RBFOX1: variants seen among roughly 807,000 people sequenced by gnomAD.
The protein encoded by RBFOX1 is RNA binding fox-1 homolog 1.
A neutral mutation model predicts 57.7 loss-of-function variants in RBFOX1; 8 were observed. That is an observed-to-expected ratio of 0.14 (90% confidence interval 0.08 to 0.25). The LOEUF (loss-of-function observed/expected upper bound fraction) is 0.25. RBFOX1 is among the 10% of genes least tolerant of loss of function. RBFOX1 has a pLI of 1.00. For synonymous variants in RBFOX1, 326 were observed against 222.4 expected (o/e 1.47, Z -4.15); for missense variants, 611 against 548.5 (o/e 1.11, Z -1.14).
intron 2 of RBFOX1, among the ~76,000 whole-genome samples, chr16:5,560,960 T>C (rs2045870007): frequency 6.6e-6 from 1 of 152,186 alleles, no homozygotes; most frequent in African/African-American, 2.4e-5. Flanking sequence ...ATTAGCTACC[T>C]GGCACACCCT....
chr16:7,467,723 C>T (rs1028680558), intron 4 of RBFOX1, among the ~76,000 whole-genome samples: 2 of 152,214 alleles, frequency 1.3e-5, no homozygotes, highest in African/African-American at 2.4e-5. Flanking sequence ...TCTACTGGGA[C>T]ACCCCTTATC....
At chr16:5,281,207 C>G (rs191866437) in intron 1 of RBFOX1, among the ~76,000 whole-genome samples, 1 of 152,038 alleles carries the variant, frequency 6.6e-6, no homozygotes, top group African/African-American at 2.4e-5. Context: ...TTCAATAGCA[C>G]GTTTAATGTC....
intron 2 of RBFOX1, among the ~76,000 whole-genome samples, chr16:6,481,722 A>G (rs2095373629): frequency 6.6e-6 from 1 of 152,156 alleles, no homozygotes; most frequent in Non-Finnish European, 1.5e-5. Context: ...TAAAAATAGT[A>G]GGGAGTGGAG....
At chr16:5,853,728 C>A (rs1277393029) in intron 3 of RBFOX1, among the ~76,000 whole-genome samples, 3 of 152,090 alleles carry the variant, frequency 2.0e-5, no homozygotes, top group Non-Finnish European at 2.9e-5. Context: ...AGGGTGGTAC[C>A]CTAGCTAAGC....
At chr16:5,326,535 T>G (rs1348145730) in intron 1 of RBFOX1, among the ~76,000 whole-genome samples, 1 of 152,192 alleles carries the variant, frequency 6.6e-6, no homozygotes, top group Non-Finnish European at 1.5e-5. Flanking sequence ...GTGTGTGCCC[T>G]GGTACGATGC....
chr16:5,748,728 T>A (rs2053078752), intron 3 of RBFOX1, among the ~76,000 whole-genome samples: 1 of 152,200 alleles, frequency 6.6e-6, no homozygotes, highest in Admixed American at 6.5e-5. Flanking sequence ...GCTTGGTAGA[T>A]CTTCCTCCAT....
At chr16:5,578,474 C>G (rs193198154) in intron 2 of RBFOX1, among the ~76,000 whole-genome samples, 58 of 152,266 alleles carry the variant, frequency 3.8e-4, no homozygotes, top group African/African-American at 1.1e-3. Flanking sequence ...AGGAAAAACC[C>G]CATCCACGGT....
intron 3 of RBFOX1, among the ~76,000 whole-genome samples, chr16:6,710,572 G>A (rs7202123): frequency 0.036 from 5,437 of 152,314 alleles, 289 homozygotes; most frequent in African/African-American, 0.12. Context: ...TGGCTGATCC[G>A]TTACCGGAAT....
intron 3 of RBFOX1, among the ~76,000 whole-genome samples, chr16:6,682,156 C>T (rs2058744414): frequency 6.6e-6 from 1 of 152,106 alleles, no homozygotes; most frequent in Non-Finnish European, 1.5e-5. Flanking sequence ...GTATTGTTTG[C>T]CTGTAAATTT....
rs547706096 is a variant in RBFOX1, at chr16:6,953,509, C to A, written c.-15-98548C>A. 3.3e-5 allele frequency among the ~76,000 whole-genome samples: 5 copies of A among 152,186 alleles called. No homozygotes were observed. The South Asian group carries it at 8.3e-4, about 25-fold the overall frequency. On this transcript the variant is annotated intron_variant, in intron 3 of 15. Coordinates refer to ENST00000550418, the MANE Select transcript of RBFOX1 (RefSeq NM_018723.4). ...CAAGCGATTCTTCTGCTTCAGCCTCCCGAGTAGCTGGGATTACGGGGGTGT... is the reference window on the plus strand; with the variant it reads ...CAAGCGATTCTTCTGCTTCAGCCTCACGAGTAGCTGGGATTACGGGGGTGT...
At chr16:6,982,510 C>T (rs1323035366) in intron 3 of RBFOX1, among the ~76,000 whole-genome samples, 6 of 152,280 alleles carry the variant, frequency 3.9e-5, no homozygotes, top group Admixed American at 1.3e-4. Flanking sequence ...CTGGAGTAGT[C>T]TCAGACGGCC....
intron 4 of RBFOX1, among the ~76,000 whole-genome samples, chr16:5,980,296 C>T (rs1304821480): frequency 6.6e-6 from 1 of 152,216 alleles, no homozygotes; most frequent in Non-Finnish European, 1.5e-5. Context: ...GACTAGGCCA[C>T]AGCTTGCAGA....
intron 3 of RBFOX1, among the ~76,000 whole-genome samples, chr16:6,816,387 C>T (rs1292996717): frequency 3.3e-5 from 5 of 151,016 alleles, no homozygotes; most frequent in South Asian, 2.1e-4. Flanking sequence ...AGTCAATCTT[C>T]GGTTTTGTTG....
chr16:6,431,861 T>C (rs1444122000), intron 2 of RBFOX1, among the ~76,000 whole-genome samples: 3 of 146,956 alleles, frequency 2.0e-5, no homozygotes, highest in African/African-American at 7.3e-5. Context: ...AAGGAGTTTA[T>C]TTATGAACAT....
At chr16:5,603,622 A>G (rs922775312), downstream of RBFOX1, among the ~76,000 whole-genome samples, 4 of 152,218 alleles carry the variant, frequency 2.6e-5, no homozygotes, top group Non-Finnish European at 5.9e-5. Flanking sequence ...GATACATCAA[A>G]TACAGCCACA....
chr16:6,312,003 G>T (rs1007515324), intron 1 of RBFOX1, among the ~76,000 whole-genome samples: 1 of 152,174 alleles, frequency 6.6e-6, no homozygotes, highest in African/African-American at 2.4e-5. Flanking sequence ...CTGCTGTGAG[G>T]CTTGGAGAGC....
intron 4 of RBFOX1, among the ~76,000 whole-genome samples, chr16:7,484,712 C>T (rs556055440): frequency 6.6e-6 from 1 of 152,312 alleles, no homozygotes; most frequent in South Asian, 2.1e-4. Flanking sequence ...GATCCGCTCG[C>T]TTCAGCCTCC....
intron 2 of RBFOX1, among the ~76,000 whole-genome samples, chr16:6,600,337 G>C (rs921766883): frequency 1.3e-5 from 2 of 152,076 alleles, no homozygotes; most frequent in Admixed American, 1.3e-4. Flanking sequence ...CTCCAGCTGA[G>C]CTACTGTCAG....
chr16:6,825,823 G>T (rs2092050695), intron 3 of RBFOX1, among the ~76,000 whole-genome samples: 1 of 152,166 alleles, frequency 6.6e-6, no homozygotes, highest in Non-Finnish European at 1.5e-5. Context: ...TCCTGCACAG[G>T]AACTTGCATC....
Sources: allele counts gnomAD v4.1 joint callset (sites outside exome capture counted in the v4.1 genomes callset), GRCh38; gene constraint gnomAD v4.1.1; transcripts MANE v1.5; gene names NCBI Gene and HGNC (gene_info 2026-07-23, HGNC 2026-07-21).